The following MKLN1 variants were observed in gnomAD, a reference collection of about 807,000 sequenced individuals.
MKLN1 encodes the protein muskelin 1, also known as muskelin.
In MKLN1, 18 loss-of-function variants were observed where a neutral mutation model predicts 99.0. The ratio of observed to expected loss-of-function variants is 0.18; its 90% confidence interval spans 0.13 to 0.27. The LOEUF (loss-of-function observed/expected upper bound fraction) is 0.27. Among genes scored for constraint, MKLN1 ranks in the 10% least tolerant of loss-of-function variants. The pLI is 1.00. For missense variants in MKLN1, 621 were observed against 875.9 expected, an observed-to-expected ratio of 0.71 and a Z score of 3.67; for synonymous variants, 288 against 293.2, an observed-to-expected ratio of 0.98 and a Z score of 0.18.
At chr7:131,369,195 A>G (rs75512701) in intron 1 of MKLN1, among the ~76,000 whole-genome samples, 6,314 of 152,298 alleles carry the variant, frequency 0.041, 203 homozygotes, top group Non-Finnish European at 0.061. Context: ...TGCGGCATCA[A>G]ACATCTCTAT....
chr7:131,257,580 C>T (rs1797674654), intron 3 of MKLN1, among the ~76,000 whole-genome samples: 1 of 152,166 alleles, frequency 6.6e-6, no homozygotes, highest in Non-Finnish European at 1.5e-5. Flanking sequence ...AATTTTATCA[C>T]ACTTCACAGG....
intron 1 of MKLN1, among the ~76,000 whole-genome samples, chr7:131,343,464 T>C (rs1274577385): frequency 6.6e-6 from 1 of 152,226 alleles, no homozygotes; most frequent in Non-Finnish European, 1.5e-5. Flanking sequence ...ATTTTATAGT[T>C]ACACTATTGT....
chr7:131,198,820 G>A lies in MKLN1; in HGVS notation c.-296-4037G>A, dbSNP rs188615338. Among the ~76,000 whole-genome samples, 13 of 152,154 alleles carry A rather than the reference G, an allele frequency of 8.5e-5. No individual in the cohort carries two copies. The East Asian group carries it at 9.7e-4, about 11-fold the overall frequency. On this transcript the variant is annotated intron_variant, in intron 2 of 7. Transcript: ENST00000416992. ...AGAAGAAGAAACAACCTTATGTCCC[G>A]TCACCTAAAAATAATATTATCATCA...
intron 3 of MKLN1, among the ~76,000 whole-genome samples, chr7:131,291,105 A>ATTTTATTTG (rs141058925): frequency 1.5e-5 from 1 of 68,340 alleles, no homozygotes; most frequent in Non-Finnish European, 3.6e-5. Flanking sequence ...ATTTTATTTT[A>ATTTTATTTG]TTTATTTATT....
intron 4 of MKLN1, among the ~76,000 whole-genome samples, chr7:131,391,217 A>G (rs1794189635): frequency 6.6e-6 from 1 of 152,152 alleles, no homozygotes; most frequent in Non-Finnish European, 1.5e-5. Flanking sequence ...TTTAGCACAG[A>G]CGTTTATTTC....
intron 3 of MKLN1, among the ~76,000 whole-genome samples, chr7:131,248,596 C>T (rs541067692): frequency 1.3e-5 from 2 of 152,158 alleles, no homozygotes; most frequent in Non-Finnish European, 2.9e-5. Context: ...CGTCCTCTAC[C>T]TAAAGGGTTT....
At chr7:131,475,129 A>G (rs1167224345) in intron 16 of MKLN1, among the ~76,000 whole-genome samples, 3 of 152,214 alleles carry the variant, frequency 2.0e-5, no homozygotes, top group African/African-American at 7.2e-5. Context: ...CTATATCACC[A>G]AGAAAAAAAG....
At chr7:131,171,155 G>T (rs1211993889) in intron 2 of MKLN1, among the ~76,000 whole-genome samples, 1 of 152,166 alleles carries the variant, frequency 6.6e-6, no homozygotes, top group African/African-American at 2.4e-5. Flanking sequence ...ACAGGGAGGA[G>T]GTCATTGGAT....
At chr7:131,356,793 C>G (rs974521843) in intron 1 of MKLN1, among the ~76,000 whole-genome samples, 1 of 152,168 alleles carries the variant, frequency 6.6e-6, no homozygotes, top group Admixed American at 6.5e-5. Flanking sequence ...AATATGTTGC[C>G]GGTGGCAGAT....
At chr7:131,440,740 TA>T (rs2116492982) in intron 10 of MKLN1, among the ~76,000 whole-genome samples, 1 of 152,142 alleles carries the variant, frequency 6.6e-6, no homozygotes, top group African/African-American at 2.4e-5. Context: ...CTGGAGACTT[TA>T]AAGAAGAAAG....
chr7:131,439,309 A>G (rs763159715), intron 10 of MKLN1, among the ~76,000 whole-genome samples: 9 of 152,168 alleles, frequency 5.9e-5, no homozygotes, highest in Non-Finnish European at 1.3e-4. Flanking sequence ...TACAGGTTGA[A>G]AAAAGAATAG....
At chr7:131,295,344 C>T (rs565652830) in intron 3 of MKLN1, among the ~76,000 whole-genome samples, 2 of 151,478 alleles carry the variant, frequency 1.3e-5, no homozygotes, top group South Asian at 4.2e-4. Flanking sequence ...AACTCAGAAA[C>T]CAAAAAGATA....
At chr7:131,377,219 A>G (rs1396146465) in intron 2 of MKLN1, among the ~76,000 whole-genome samples, 1 of 152,190 alleles carries the variant, frequency 6.6e-6, no homozygotes, top group African/African-American at 2.4e-5. Context: ...ATTATAGGGT[A>G]GGTATATGTG....
At chr7:131,385,325 G>A (rs898192819) in intron 2 of MKLN1, among the ~76,000 whole-genome samples, 1 of 151,904 alleles carries the variant, frequency 6.6e-6, no homozygotes. Context: ...ATTCATGTAC[G>A]ACTGTTTGTT....
rs571984540 is a variant in MKLN1 at position 131,287,901 on chromosome 7, T to C, written c.-179+84927T>C. ...GCTCTTCCCCCTTTGCTTCTTACTT[T>C]TCTCTCTCCTGACGCCATGTGAAGA... On this transcript the variant is annotated intron_variant, in intron 3 of 7. Coordinates refer to the MKLN1 transcript ENST00000416992. Among the ~76,000 whole-genome samples, 6 of 152,252 alleles carry C rather than the reference T, an allele frequency of 3.9e-5. No individual in the cohort carries two copies. In the South Asian group the frequency reaches 1.2e-3, roughly 32 times the overall value.
chr7:131,137,377 C>T (rs1038541080), intron 1 of MKLN1, among the ~76,000 whole-genome samples: 4 of 152,080 alleles, frequency 2.6e-5, no homozygotes, highest in Non-Finnish European at 5.9e-5. Context: ...TTTCCACATC[C>T]GGTTGAGACA....
chr7:131,352,177 C>G (rs551052511), intron 1 of MKLN1, among the ~76,000 whole-genome samples: 1 of 152,250 alleles, frequency 6.6e-6, no homozygotes, highest in East Asian at 1.9e-4. Context: ...TAAATGACTT[C>G]AGTAGTCATT....
At chr7:131,120,146 G>T (rs1313884778) in intron 1 of MKLN1, among the ~76,000 whole-genome samples, 4 of 143,008 alleles carry the variant, frequency 2.8e-5, no homozygotes, top group Non-Finnish European at 3.0e-5. Flanking sequence ...ACTCCAGCCT[G>T]GGGGACAGAG....
chr7:131,164,005 T>G (rs1796089303), intron 2 of MKLN1, among the ~76,000 whole-genome samples: 2 of 152,324 alleles, frequency 1.3e-5, no homozygotes, highest in Non-Finnish European at 2.9e-5. Context: ...AAATTAAGCT[T>G]TGCCACAGGG....
Sources: gnomAD v4.1 joint callset for allele counts (sites outside exome capture counted in the v4.1 genomes callset) on GRCh38, gnomAD v4.1.1 for gene constraint, MANE v1.5 for transcripts, NCBI Gene and HGNC (gene_info 2026-07-23, HGNC 2026-07-21) for gene names.